Variants in CNGB3 observed in about 807,000 individuals in gnomAD.
CNGB3 encodes cyclic nucleotide gated channel subunit beta 3.
In CNGB3, 86 loss-of-function variants were observed where a neutral mutation model predicts 92.8. The ratio of observed to expected loss-of-function variants is 0.93; its 90% CI spans 0.78 to 1.11. The LOEUF is 1.11. CNGB3 is among the 50% of genes least tolerant of loss of function. The pLI is 0.00. For synonymous variants in CNGB3, 333 were observed against 332.7 expected (o/e 1.00, Z -0.01); for missense variants, 1,026 against 956.8 (o/e 1.07, Z -0.95).
At chr8:86,691,001 C>T (rs896331414) in intron 3 of CNGB3, among the ~76,000 whole-genome samples, 1 of 152,180 alleles carries the variant, frequency 6.6e-6, no homozygotes, top group Non-Finnish European at 1.5e-5. Flanking sequence ...GTGATGCCTT[C>T]AGCTTTATTC....
At chr8:86,704,438 A>G (rs962232502) in intron 3 of CNGB3, 1 of 152,226 alleles carries the variant, frequency 6.6e-6, no homozygotes, top group Non-Finnish European at 1.5e-5. Flanking sequence ...GGGAACAGAA[A>G]GAGAAGAAAA....
At chr8:86,644,480 A>G in intron 9 of CNGB3, 142 bp downstream of exon 9, 1 of 1,047,142 alleles carries the variant, frequency 9.5e-7, no homozygotes, top group Non-Finnish European at 1.3e-6. Flanking sequence ...CTGTTCTAGA[A>G]CATAGTCCTA....
chr8:86,723,212 A>G lies in CNGB3; in HGVS notation c.338+3319T>C, dbSNP rs76515571. ...GTACCTATTGATCAGTCCAGACATA[A>G]TAATCCCTATTCAGCTCAAGGCTTA... On this transcript the variant is annotated intron_variant, in intron 3 of 17. Coordinates refer to ENST00000320005, the MANE Select transcript of CNGB3 (RefSeq NM_019098.5). Among the ~76,000 whole-genome samples, 780 of 152,084 alleles carry G rather than the reference A, an allele frequency of 5.1e-3. 4 individuals are homozygous for G. Among genetic ancestry groups the G allele is most frequent in the African/African-American group, 0.018 (737 of 41,554 alleles).
intron 15 of CNGB3, among the ~76,000 whole-genome samples, chr8:86,600,787 T>C (rs1486054286): frequency 8.2e-6 from 1 of 121,630 alleles, no homozygotes; most frequent in African/African-American, 3.7e-5. Flanking sequence ...TTTTTTTTTT[T>C]TTTTTTTTTT....
chr8:86,580,560 T>C (rs1248359068), intron 15 of CNGB3, among the ~76,000 whole-genome samples: 1 of 152,188 alleles, frequency 6.6e-6, no homozygotes, highest in African/African-American at 2.4e-5. Context: ...ATATAGTCAT[T>C]CACATACATC....
At chr8:86,700,435 T>C (rs2131646387) in intron 3 of CNGB3, among the ~76,000 whole-genome samples, 1 of 152,368 alleles carries the variant, frequency 6.6e-6, no homozygotes, top group Middle Eastern at 3.4e-3. Flanking sequence ...GTAAAAATTC[T>C]GGAAATTTTT....
chr8:86,663,358 G>T (rs565988490), intron 6 of CNGB3, among the ~76,000 whole-genome samples: 19 of 152,176 alleles, frequency 1.2e-4, no homozygotes, highest in Non-Finnish European at 2.5e-4. Context: ...ACATACAAGA[G>T]ACTTTTTGTT....
chr8:86,687,971 A>C (rs541291868), intron 3 of CNGB3, among the ~76,000 whole-genome samples: 1 of 152,056 alleles, frequency 6.6e-6, no homozygotes, highest in South Asian at 2.1e-4. Context: ...ACAATTACAG[A>C]ATTGTGTGAC....
chr8:86,708,968 A>T (rs1328158687), intron 3 of CNGB3, among the ~76,000 whole-genome samples: 1 of 152,136 alleles, frequency 6.6e-6, no homozygotes, highest in Non-Finnish European at 1.5e-5. Context: ...TGTAGTGGGG[A>T]ATAGAGAAAT....
intron 11 of CNGB3, among the ~76,000 whole-genome samples, chr8:86,629,709 C>T (rs1822923239): frequency 6.6e-6 from 1 of 152,106 alleles, no homozygotes; most frequent in African/African-American, 2.4e-5. Context: ...TTGAAATGTG[C>T]TGAAATTACT....
chr8:86,676,383 G>A (rs1019931350), intron 3 of CNGB3, among the ~76,000 whole-genome samples: 1 of 152,080 alleles, frequency 6.6e-6, no homozygotes, highest in Non-Finnish European at 1.5e-5. Context: ...GAAAAGGGGT[G>A]TTCATCGCTG....
At chr8:86,695,451 G>T (rs1040380539) in intron 3 of CNGB3, among the ~76,000 whole-genome samples, 4 of 151,956 alleles carry the variant, frequency 2.6e-5, no homozygotes, top group African/African-American at 7.2e-5. Context: ...CAATTCTATT[G>T]TTGAAACCTT....
chr8:86,668,968 A>C (rs1410905632), intron 4 of CNGB3, among the ~76,000 whole-genome samples: 3 of 152,156 alleles, frequency 2.0e-5, no homozygotes, highest in Non-Finnish European at 4.4e-5. Flanking sequence ...GCAGTCAGCT[A>C]TGACTGTGCC....
intron 3 of CNGB3, among the ~76,000 whole-genome samples, chr8:86,678,321 T>G (rs1418212532): frequency 6.6e-6 from 1 of 152,154 alleles, no homozygotes; most frequent in Admixed American, 6.5e-5. Context: ...CCTATACATT[T>G]TAGGCAAATT....
Position 86,732,195 on chromosome 8 carries a change from C to G in CNGB3, c.212-5538G>C, listed in dbSNP as rs533289163. Among the ~76,000 whole-genome samples the G allele has an allele frequency of 8.5e-5, 13 of 152,234 alleles. No individual in the cohort carries two copies. The South Asian group carries it at 2.3e-3, about 27-fold the overall frequency. Reference sequence around the variant, plus strand: ...TCTGTTCTCTATTCAATATTTAAAACAGGGTATGCTTTCCATGCCAAACTT... The same window carrying G: ...TCTGTTCTCTATTCAATATTTAAAAGAGGGTATGCTTTCCATGCCAAACTT... On this transcript the variant is annotated intron_variant, in intron 2 of 17. Coordinates refer to ENST00000320005, the MANE Select transcript of CNGB3 (RefSeq NM_019098.5).
At chr8:86,676,129 A>G (rs1823962644) in intron 3 of CNGB3, among the ~76,000 whole-genome samples, 1 of 152,160 alleles carries the variant, frequency 6.6e-6, no homozygotes. Flanking sequence ...TTCTTTTAAA[A>G]CTGTGTTTGT....
rs938938304 is a variant in CNGB3 at position 86,577,056 on chromosome 8, C to T, written c.2104-926G>A. ...ATGACTAGGTTCAGAAAACCTGAAT[C>T]CCTGCTCTGTCTGTTTCTCAATATC... On this transcript the variant is annotated intron_variant, in intron 17 of 17. Transcript: ENST00000320005. 6.6e-5 allele frequency among the ~76,000 whole-genome samples: 10 copies of T among 152,220 alleles called. No individual in the cohort carries two copies. In the East Asian group the frequency reaches 7.7e-4, roughly 12 times the overall value.
chr8:86,590,525 G>A (rs1347696052), intron 15 of CNGB3, among the ~76,000 whole-genome samples: 1 of 151,884 alleles, frequency 6.6e-6, no homozygotes, highest in Non-Finnish European at 1.5e-5. Flanking sequence ...GCTCTTTTAG[G>A]GCAGGCCTGG....
intron 10 of CNGB3, among the ~76,000 whole-genome samples, chr8:86,637,159 T>C (rs544194446): frequency 4.5e-4 from 68 of 152,296 alleles, no homozygotes; most frequent in African/African-American, 1.4e-3. Flanking sequence ...CATATGGTAG[T>C]TATTTTGTTC....
Sources: allele counts gnomAD v4.1 joint callset (sites outside exome capture counted in the v4.1 genomes callset), GRCh38; gene constraint gnomAD v4.1.1; transcripts MANE v1.5; gene names NCBI Gene and HGNC (gene_info 2026-07-23, HGNC 2026-07-21).